DCC: variants seen among roughly 807,000 people sequenced by gnomAD.
DCC encodes netrin receptor DCC.
A neutral mutation model predicts 172.5 loss-of-function variants in DCC; 58 were observed. That is an observed-to-expected ratio of 0.34 (90% CI 0.27 to 0.42). The LOEUF (loss-of-function observed/expected upper bound fraction) is 0.42, where lower values mean the gene tolerates loss of function less well. DCC is among the 10% of genes least tolerant of loss of function. DCC has a pLI of 1.00. For synonymous variants in DCC, 709 were observed against 644.5 expected, an observed-to-expected ratio of 1.10 and a Z score of -1.52; for missense variants, 1,740 against 1,791.0, an observed-to-expected ratio of 0.97 and a Z score of 0.51.
chr18:52,995,514 C>T (rs1176860742), intron 5 of DCC, among the ~76,000 whole-genome samples: 8 of 151,368 alleles, frequency 5.3e-5, no homozygotes, highest in Admixed American at 4.0e-4. Flanking sequence ...TCAAACACAG[C>T]GATTGTGTTT....
chr18:53,232,115 C>T (rs1336158202), intron 12 of DCC, among the ~76,000 whole-genome samples: 1 of 152,142 alleles, frequency 6.6e-6, no homozygotes, highest in African/African-American at 2.4e-5. Flanking sequence ...ACTATAAATA[C>T]ATCTCATGAG....
chr18:53,258,857 G>A (rs147921190), intron 12 of DCC, among the ~76,000 whole-genome samples: 118 of 152,194 alleles, frequency 7.8e-4, no homozygotes, highest in African/African-American at 2.8e-3. Flanking sequence ...TCTCTTTGTA[G>A]GTCACTGAGG....
At chr18:52,523,158 G>C (rs2031871782) in intron 1 of DCC, among the ~76,000 whole-genome samples, 1 of 152,066 alleles carries the variant, frequency 6.6e-6, no homozygotes, top group South Asian at 2.1e-4. Flanking sequence ...AAGTGTACTG[G>C]GCCTTAGTTT....
At chr18:53,426,645 G>C (rs531646934) in intron 21 of DCC, among the ~76,000 whole-genome samples, 2 of 117,052 alleles carry the variant, frequency 1.7e-5, no homozygotes, top group Non-Finnish European at 4.3e-5. Flanking sequence ...GTGTTTGTTT[G>C]TTTTCTTTTT....
chr18:52,766,792 T>C (rs1433646193), intron 2 of DCC, among the ~76,000 whole-genome samples: 1 of 151,972 alleles, frequency 6.6e-6, no homozygotes, highest in Non-Finnish European at 1.5e-5. Flanking sequence ...AACAGGGATA[T>C]AAGTTCTCCT....
chr18:52,889,879 T>C (rs140114506), intron 2 of DCC, among the ~76,000 whole-genome samples: 1 of 152,264 alleles, frequency 6.6e-6, no homozygotes, highest in East Asian at 1.9e-4. Context: ...GTCCTTTGCC[T>C]AAATGCACAA....
chr18:52,361,308 A>G (rs1175195742), intron 1 of DCC, among the ~76,000 whole-genome samples: 2 of 152,146 alleles, frequency 1.3e-5, no homozygotes, highest in Admixed American at 1.3e-4. Context: ...CTCTTTCTCT[A>G]CCTGCCCCAC....
At chr18:52,846,459 G>C (rs2038891396) in intron 2 of DCC, among the ~76,000 whole-genome samples, 1 of 152,066 alleles carries the variant, frequency 6.6e-6, no homozygotes, top group Admixed American at 6.5e-5. Context: ...AGGATTGCTT[G>C]AGCCAGAAGG....
chr18:52,707,015 G>T (rs1207585467), intron 1 of DCC, among the ~76,000 whole-genome samples: 1 of 152,166 alleles, frequency 6.6e-6, no homozygotes, highest in Non-Finnish European at 1.5e-5. Context: ...GGGTTGGAGG[G>T]ATTAGGGTCC....
intron 1 of DCC, among the ~76,000 whole-genome samples, chr18:52,480,110 A>G (rs1280108883): frequency 6.6e-6 from 1 of 152,198 alleles, no homozygotes; most frequent in African/African-American, 2.4e-5. Flanking sequence ...TGAGTATAAG[A>G]GCTGACATTT....
intron 1 of DCC, among the ~76,000 whole-genome samples, chr18:52,537,395 G>A (rs1056375551): frequency 6.6e-6 from 1 of 152,138 alleles, no homozygotes; most frequent in Non-Finnish European, 1.5e-5. Context: ...TGTGGGATGG[G>A]TTTTTGGAAA....
intron 12 of DCC, among the ~76,000 whole-genome samples, chr18:53,292,019 T>C (rs1189069514): frequency 6.6e-6 from 1 of 151,918 alleles, no homozygotes; most frequent in Non-Finnish European, 1.5e-5. Flanking sequence ...ATGTAAAAAA[T>C]GCTATTTTAA....
chr18:53,164,551 G>T (rs866836146), intron 8 of DCC, among the ~76,000 whole-genome samples: 2 of 152,244 alleles, frequency 1.3e-5, no homozygotes, highest in Middle Eastern at 3.4e-3. Flanking sequence ...TCAAATCCTG[G>T]CTTGTTATTT....
At chr18:53,506,013 T>A (rs2046170491) in intron 27 of DCC, among the ~76,000 whole-genome samples, 1 of 152,250 alleles carries the variant, frequency 6.6e-6, no homozygotes, top group African/African-American at 2.4e-5. Flanking sequence ...CACCTTTTTA[T>A]AGTTTACAGA....
At chr18:52,714,397 A>C (rs557141555) in intron 1 of DCC, among the ~76,000 whole-genome samples, 11 of 152,390 alleles carry the variant, frequency 7.2e-5, no homozygotes, top group African/African-American at 2.6e-4. Flanking sequence ...CAAGAGAGCA[A>C]GAAAGAATGA....
chr18:52,674,490 T>G (rs1161249553), intron 1 of DCC, among the ~76,000 whole-genome samples: 2 of 152,144 alleles, frequency 1.3e-5, no homozygotes, highest in Non-Finnish European at 2.9e-5. Flanking sequence ...GTTAATCTCT[T>G]CCAGAAACAC....
chr18:52,999,753 A>C (rs1021205495), intron 5 of DCC, among the ~76,000 whole-genome samples: 15 of 152,050 alleles, frequency 9.9e-5, no homozygotes, highest in African/African-American at 3.6e-4. Flanking sequence ...ATAATTTATG[A>C]AATTATTGGC....
chr18:53,099,738 C>T (rs950441787), intron 7 of DCC, among the ~76,000 whole-genome samples: 1 of 151,988 alleles, frequency 6.6e-6, no homozygotes, highest in African/African-American at 2.4e-5. Flanking sequence ...AAAGGGGCTT[C>T]AGGGTCATAG....
intron 12 of DCC, among the ~76,000 whole-genome samples, chr18:53,303,477 C>T (rs574652309): frequency 6.6e-6 from 1 of 152,232 alleles, no homozygotes; most frequent in Non-Finnish European, 1.5e-5. Flanking sequence ...CTTAAATTGT[C>T]AGTTTACATT....
Sources: allele counts gnomAD v4.1 joint callset (sites outside exome capture counted in the v4.1 genomes callset), GRCh38; gene constraint gnomAD v4.1.1; transcripts MANE v1.5; gene names NCBI Gene and HGNC (gene_info 2026-07-23, HGNC 2026-07-21).